HDAC4: variants seen among roughly 807,000 people sequenced by gnomAD.
The protein encoded by HDAC4 is histone deacetylase A.
In HDAC4, 16 loss-of-function variants were observed where a neutral mutation model predicts 135.1. That is an observed-to-expected ratio of 0.12 (90% confidence interval 0.08 to 0.18). The LOEUF (loss-of-function observed/expected upper bound fraction) is 0.18. Ranked by LOEUF, HDAC4 falls within the 10% of genes least tolerant of loss-of-function variation. HDAC4 has a pLI of 1.00. For missense variants in HDAC4, 1,143 were observed against 1,511.8 expected (o/e 0.76, Z 4.05); for synonymous variants, 685 against 653.4 (o/e 1.05, Z -0.74).
intron 3 of HDAC4, among the ~76,000 whole-genome samples, chr2:239,204,220 C>A (rs935182923): frequency 2.0e-5 from 3 of 152,212 alleles, no homozygotes; most frequent in Admixed American, 1.3e-4. Context: ...CGTGTCCCGG[C>A]GTCCCCATGC....
chr2:239,361,879 C>T (rs1298587847), intron 1 of HDAC4, among the ~76,000 whole-genome samples: 1 of 152,192 alleles, frequency 6.6e-6, no homozygotes, highest in Non-Finnish European at 1.5e-5. Context: ...AATGATACTT[C>T]ACTAACCAGA....
rs752966415 is a variant in HDAC4 at position 239,102,834 on chromosome 2, G to A, written c.2175C>T (p.Thr725=). 10 of 1,613,808 alleles carry A rather than the reference G, an allele frequency of 6.2e-6. No individual in the cohort carries two copies. The highest frequency in any genetic ancestry group is 5.3e-5 in the African/African-American group (4 of 74,910). The change falls in exon 16 of 27, where the codon ACC becomes ACT. Residue 725 remains threonine, a synonymous_variant. Coordinates refer to ENST00000543185, the MANE Select transcript of HDAC4 (RefSeq NM_001378414.1). ...ELQTVHSEAH[T]LLYGTNPLNR... is the part of the protein sequence containing the mutation. ...TGAGGGGGTTCGTGCCATACAGGAG[G>A]GTGTGGGCTTCCGAGTGCACCGTCT...
chr2:239,086,992 G>A (rs1322464774), intron 19 of HDAC4, among the ~76,000 whole-genome samples: 1 of 152,158 alleles, frequency 6.6e-6, no homozygotes, highest in Non-Finnish European at 1.5e-5. Flanking sequence ...GGTCTGTCCT[G>A]CCACTGGCTC....
intron 2 of HDAC4, among the ~76,000 whole-genome samples, chr2:239,351,501 A>C (rs1333009761): frequency 6.6e-6 from 1 of 152,230 alleles, no homozygotes; most frequent in Non-Finnish European, 1.5e-5. Context: ...AGCCAGCTCC[A>C]TTCAATGTCT....
intron 2 of HDAC4, among the ~76,000 whole-genome samples, chr2:239,274,786 A>G (rs2050255891): frequency 6.6e-6 from 1 of 152,064 alleles, no homozygotes; most frequent in Non-Finnish European, 1.5e-5. Flanking sequence ...AAAGGCTCAG[A>G]AGTCCCAGGT....
intron 23 of HDAC4, among the ~76,000 whole-genome samples, chr2:239,067,603 G>T (rs991098801): frequency 5.3e-5 from 8 of 152,222 alleles, no homozygotes; most frequent in Admixed American, 5.2e-4. Flanking sequence ...GCTGTGGGGC[G>T]TTGGGCACAG....
At position 239,058,073 on chromosome 2, in the gene HDAC4, A is replaced by G. The variant is rs537334113; in HGVS notation, c.3004-3240T>C. Among the ~76,000 whole-genome samples, 9 of 152,370 alleles carry G rather than the reference A, an allele frequency of 5.9e-5. No homozygotes were observed. The East Asian group carries it at 1.5e-3, about 26-fold the overall frequency. ...GTGTCTGATAAACAAGTAGTTTTGC[A>G]GTGGAAGGATACCCACCTGGGTGCT... On this transcript the variant is annotated intron_variant, in intron 24 of 26. Transcript: ENST00000543185.
intron 2 of HDAC4, among the ~76,000 whole-genome samples, chr2:239,253,848 TG>T (rs1369773870): frequency 6.6e-6 from 1 of 151,880 alleles, no homozygotes; most frequent in Non-Finnish European, 1.5e-5. Flanking sequence ...AGGGAGCCAG[TG>T]GGCGGCTGCA....
intron 2 of HDAC4, among the ~76,000 whole-genome samples, chr2:239,295,579 C>T (rs995904701): frequency 2.0e-5 from 3 of 152,148 alleles, no homozygotes; most frequent in South Asian, 2.1e-4. Context: ...GAAAGGAGAA[C>T]AATGCACCCT....
At chr2:239,324,283 A>G (rs1024891057) in intron 2 of HDAC4, among the ~76,000 whole-genome samples, 3 of 152,230 alleles carry the variant, frequency 2.0e-5, no homozygotes, top group Admixed American at 1.3e-4. Context: ...CCATCCTACA[A>G]GAAAACCAAT....
chr2:239,311,167 G>A (rs905886582), intron 2 of HDAC4, among the ~76,000 whole-genome samples: 1 of 152,134 alleles, frequency 6.6e-6, no homozygotes, highest in African/African-American at 2.4e-5. Context: ...GCAGAGTGAG[G>A]TGTTAGCTCT....
chr2:239,164,142 A>T (rs1327220700), intron 5 of HDAC4, among the ~76,000 whole-genome samples: 2 of 152,184 alleles, frequency 1.3e-5, no homozygotes, highest in African/African-American at 4.8e-5. Flanking sequence ...CATTCTATTT[A>T]AAATGCAGAT....
Position 239,098,952 on chromosome 2 carries a change from T to C in HDAC4, c.2233+3824A>G, listed in dbSNP as rs531914117. Among the ~76,000 whole-genome samples, 185 of 152,264 alleles carry C rather than the reference T, an allele frequency of 1.2e-3. 1 individual carries two copies. The highest frequency in any genetic ancestry group is 4.2e-3 in the African/African-American group (176 of 41,544). On this transcript the variant is annotated intron_variant, in intron 16 of 26. Coordinates refer to ENST00000543185, the MANE Select transcript of HDAC4 (RefSeq NM_001378414.1). Reference sequence around the variant, plus strand: ...AAGCTTTCCAGGAAAGAACAAGAAATAGAATGATCAACCTTCCTGTAAACA... The same window carrying C: ...AAGCTTTCCAGGAAAGAACAAGAAACAGAATGATCAACCTTCCTGTAAACA...
intron 3 of HDAC4, among the ~76,000 whole-genome samples, chr2:239,219,866 GT>G (rs983133784): frequency 6.6e-5 from 10 of 152,166 alleles, no homozygotes; most frequent in Non-Finnish European, 1.3e-4. Context: ...GTACCTTCGA[GT>G]AAAAACACAG....
chr2:239,248,103 G>A (rs748350787), intron 2 of HDAC4, among the ~76,000 whole-genome samples: 13 of 152,156 alleles, frequency 8.5e-5, no homozygotes, highest in Non-Finnish European at 1.5e-4. Flanking sequence ...GTGACAGGCC[G>A]GTGGCTTCAC....
chr2:239,056,352 C>T (rs1184812552), intron 24 of HDAC4, among the ~76,000 whole-genome samples: 3 of 152,102 alleles, frequency 2.0e-5, no homozygotes, highest in East Asian at 1.9e-4. Context: ...AAGGCTGGGG[C>T]GGGGAAAATA....
At chr2:239,372,881 C>A (rs1694732715) in intron 1 of HDAC4, among the ~76,000 whole-genome samples, 1 of 152,074 alleles carries the variant, frequency 6.6e-6, no homozygotes, top group Non-Finnish European at 1.5e-5. Context: ...TCACTGCCTC[C>A]AAAAATGAAA....
At chr2:239,226,542 T>G (rs562100290) in intron 3 of HDAC4, among the ~76,000 whole-genome samples, 3 of 151,780 alleles carry the variant, frequency 2.0e-5, no homozygotes, top group Non-Finnish European at 4.4e-5. Context: ...CACCCCCAAT[T>G]CTCCACGACG....
intron 24 of HDAC4, 147 bp from the exon 25 acceptor site, chr2:239,054,980 A>C: frequency 1.5e-6 from 1 of 669,560 alleles, no homozygotes; most frequent in Non-Finnish European, 2.7e-6. Context: ...TAACTTTAAA[A>C]AGCCAAATGT....
Sources: gnomAD v4.1 joint callset for allele counts (sites outside exome capture counted in the v4.1 genomes callset) on GRCh38, gnomAD v4.1.1 for gene constraint, MANE v1.5 for transcripts, NCBI Gene and HGNC (gene_info 2026-07-23, HGNC 2026-07-21) for gene names.